The following PKHD1 variants were observed in gnomAD, a reference collection of about 807,000 sequenced individuals.
PKHD1 encodes PKHD1 ciliary IPT domain containing fibrocystin/polyductin, also known as fibrocystin.
Under a neutral mutation model 412.0 loss-of-function variants are expected in PKHD1, and 291 were observed. The ratio of observed to expected loss-of-function variants is 0.71; its 90% confidence interval spans 0.64 to 0.78. The LOEUF (loss-of-function observed/expected upper bound fraction) is 0.78. Among genes scored for constraint, PKHD1 ranks in the 30% least tolerant of loss-of-function variants. The pLI, the probability that PKHD1 is intolerant of heterozygous loss-of-function variation, is 0.00. For synonymous variants in PKHD1, 1,777 were observed against 1,821.5 expected, an observed-to-expected ratio of 0.98 and a Z score of 0.62; for missense variants, 4,825 against 4,950.7, an observed-to-expected ratio of 0.97 and a Z score of 0.76.
chr6:51,746,619 A>G, intron 59 of PKHD1, 102 bp downstream of exon 59: 1 of 784,802 alleles, frequency 1.3e-6, no homozygotes, highest in South Asian at 1.5e-5. Flanking sequence ...ATTCATTTCT[A>G]TTTCTTTGAT....
intron 35 of PKHD1, among the ~76,000 whole-genome samples, chr6:51,975,103 A>G (rs1794200685): frequency 6.6e-6 from 1 of 152,104 alleles, no homozygotes; most frequent in Non-Finnish European, 1.5e-5. Context: ...AATAAAATTA[A>G]TGAAGCTTCA....
chr6:51,982,187 G>C (rs1481226344), intron 35 of PKHD1, among the ~76,000 whole-genome samples: 1 of 44,418 alleles, frequency 2.3e-5, no homozygotes, highest in Non-Finnish European at 5.0e-5. Flanking sequence ...GAGGGAGGTG[G>C]GGGGGTCAGC....
chr6:52,014,485 G>C (rs536537109), intron 34 of PKHD1, among the ~76,000 whole-genome samples: 31 of 152,326 alleles, frequency 2.0e-4, no homozygotes, highest in African/African-American at 7.5e-4. Flanking sequence ...ATCAATACTG[G>C]ATAGATGGAT....
intron 52 of PKHD1, among the ~76,000 whole-genome samples, chr6:51,829,604 G>A (rs1317165072): frequency 1.3e-5 from 2 of 152,216 alleles, no homozygotes; most frequent in South Asian, 2.1e-4. Flanking sequence ...GTGGTTTACT[G>A]GGAAGTGGGA....
In PKHD1 at chr6:52,040,384, T is replaced by C. The variant is rs560790209; in HGVS notation, c.3097+2475A>G. 1.8e-4 allele frequency among the ~76,000 whole-genome samples: 27 copies of C among 152,284 alleles called. 1 individual carries two copies. Among genetic ancestry groups the C allele is most frequent in the African/African-American group, 6.3e-4 (26 of 41,566 alleles). The stretch of plus-strand genomic sequence containing the variant: ...ACATTATCTCTCCCCTGGATGTCTG[T>C]CATATCCTCCTAACCGGTCTTGCTG... On this transcript the variant is annotated intron_variant, in intron 27 of 66. Transcript: ENST00000371117.
intron 37 of PKHD1, among the ~76,000 whole-genome samples, chr6:51,916,790 G>A (rs1459422693): frequency 6.6e-6 from 1 of 151,994 alleles, no homozygotes; most frequent in Non-Finnish European, 1.5e-5. Flanking sequence ...CGCATAAAAA[G>A]CTCAATAATT....
At chr6:51,762,487 C>G (rs367706429) in intron 55 of PKHD1, among the ~76,000 whole-genome samples, 1 of 152,062 alleles carries the variant, frequency 6.6e-6, no homozygotes, top group East Asian at 1.9e-4. Flanking sequence ...CAAGCAACAA[C>G]AGAGAGTAAT....
Position 51,659,941 on chromosome 6 carries a change from T to G in PKHD1, c.10185A>C (p.Thr3395=), listed in dbSNP as rs1772559084. 3 of 1,609,674 alleles carry G rather than the reference T, an allele frequency of 1.9e-6. No homozygotes were observed. The highest frequency in any genetic ancestry group is 2.6e-6 in the Non-Finnish European group (3 of 1,176,426). Residue 3395 remains threonine (T), a synonymous_variant, in exon 61 of 67, where the codon ACA becomes ACC. Coordinates refer to ENST00000371117, the MANE Select transcript of PKHD1 (RefSeq NM_138694.4). ...AGTFREEQKC[T]YQFLMQGFIC... ...TGAATCCTTGCATCAGAAATTGGTA[T>G]GTACATTTCTGTTCTTCTCTAAATG...
At chr6:51,650,015 T>C (rs557002561) in intron 61 of PKHD1, among the ~76,000 whole-genome samples, 4 of 152,282 alleles carry the variant, frequency 2.6e-5, no homozygotes, top group Admixed American at 1.3e-4. Flanking sequence ...CTTATTTATA[T>C]ATGAAGAAAC....
intron 65 of PKHD1, among the ~76,000 whole-genome samples, chr6:51,629,405 C>T (rs942564302): frequency 1.3e-5 from 2 of 151,770 alleles, no homozygotes; most frequent in Non-Finnish European, 2.9e-5. Context: ...GGGCAAAGGA[C>T]GTGAACAGAC....
chr6:51,782,113 G>A (rs1454352715), intron 53 of PKHD1, among the ~76,000 whole-genome samples: 1 of 151,576 alleles, frequency 6.6e-6, no homozygotes, highest in East Asian at 1.9e-4. Flanking sequence ...CTGTTATATG[G>A]ATTCATGAAT....
chr6:51,843,344 T>C (rs892702494), intron 50 of PKHD1, among the ~76,000 whole-genome samples: 1 of 152,242 alleles, frequency 6.6e-6, no homozygotes, highest in African/African-American at 2.4e-5. Flanking sequence ...TGAGACTCGA[T>C]GTAGGCCTCA....
intron 60 of PKHD1, among the ~76,000 whole-genome samples, chr6:51,707,720 T>G (rs2150741211): frequency 6.6e-6 from 1 of 152,286 alleles, no homozygotes; most frequent in Admixed American, 6.5e-5. Context: ...ACTGCTTGTA[T>G]CAAGATTATC....
At chr6:52,029,801 C>T (rs1802767181) in intron 29 of PKHD1, among the ~76,000 whole-genome samples, 1 of 152,190 alleles carries the variant, frequency 6.6e-6, no homozygotes, top group Non-Finnish European at 1.5e-5. Context: ...GGGCCAAAGA[C>T]CAAGAAAGCC....
rs1278971720 is a variant in PKHD1, at chr6:52,034,792, T to C, written c.3228+799A>G. Reference sequence around the variant, plus strand: ...AAACAAATTAGAGTACAACCACATATTGGAATTGAATGTAGTGTACATATA... The same window carrying C: ...AAACAAATTAGAGTACAACCACATACTGGAATTGAATGTAGTGTACATATA... On this transcript the variant is annotated intron_variant, in intron 28 of 66. Transcript: ENST00000371117. Among the ~76,000 whole-genome samples, 4 of 152,282 alleles carry C rather than the reference T, an allele frequency of 2.6e-5. No homozygotes were observed. The East Asian group carries it at 5.8e-4, about 22-fold the overall frequency.
At chr6:51,688,669 C>A (rs1334184682) in intron 60 of PKHD1, among the ~76,000 whole-genome samples, 1 of 152,092 alleles carries the variant, frequency 6.6e-6, no homozygotes, top group Non-Finnish European at 1.5e-5. Context: ...ACGGACCCCA[C>A]AGATATACAA....
At chr6:52,057,826 G>A (rs1808013945) in intron 16 of PKHD1, among the ~76,000 whole-genome samples, 1 of 152,148 alleles carries the variant, frequency 6.6e-6, no homozygotes, top group South Asian at 2.1e-4. Flanking sequence ...ATATTGATTT[G>A]TCTTTGTACA....
At chr6:51,707,656 C>T (rs1241411225) in intron 60 of PKHD1, among the ~76,000 whole-genome samples, 3 of 152,124 alleles carry the variant, frequency 2.0e-5, no homozygotes, top group Non-Finnish European at 4.4e-5. Context: ...CTACGTACTC[C>T]CACTTACCCC....
intron 36 of PKHD1, among the ~76,000 whole-genome samples, chr6:51,949,613 C>T (rs932528270): frequency 2.0e-5 from 3 of 152,166 alleles, no homozygotes; most frequent in African/African-American, 7.2e-5. Context: ...TCGAGGTGGG[C>T]TTGTCCCCAG....
Sources: allele counts gnomAD v4.1 joint callset (sites outside exome capture counted in the v4.1 genomes callset), GRCh38; gene constraint gnomAD v4.1.1; transcripts MANE v1.5; gene names NCBI Gene and HGNC (gene_info 2026-07-23, HGNC 2026-07-21).